The following RUSC2 variants were observed in gnomAD, a reference collection of about 807,000 sequenced individuals.
RUSC2 encodes RUN and SH3 domain containing 2.
RUSC2 carries 34 observed loss-of-function variants against 122.2 expected under a neutral mutation model. The ratio of observed to expected loss-of-function variants is 0.28; its 90% CI spans 0.21 to 0.37. The LOEUF is 0.37. RUSC2 is among the 10% of genes least tolerant of loss of function. The pLI, the probability that RUSC2 is intolerant of heterozygous loss-of-function variation, is 1.00. For missense variants in RUSC2, 1,747 were observed against 1,952.4 expected, an observed-to-expected ratio of 0.89 and a Z score of 1.98; for synonymous variants, 784 against 790.0, an observed-to-expected ratio of 0.99 and a Z score of 0.13.
At chr9:35,531,314 G>C (rs928316127) in intron 1 of RUSC2, among the ~76,000 whole-genome samples, 1 of 152,166 alleles carries the variant, frequency 6.6e-6, no homozygotes, top group Admixed American at 6.5e-5. Flanking sequence ...CACTGAAGAT[G>C]TTTTAGTAGT....
intron 1 of RUSC2, among the ~76,000 whole-genome samples, chr9:35,493,055 C>T (rs1324083323): frequency 6.6e-6 from 1 of 151,860 alleles, no homozygotes; most frequent in Non-Finnish European, 1.5e-5. Flanking sequence ...AAACTCATTT[C>T]ACAGGGGTTT....
chr9:35,513,718 T>G (rs1188283361), intron 1 of RUSC2, among the ~76,000 whole-genome samples: 1 of 151,272 alleles, frequency 6.6e-6, no homozygotes, highest in African/African-American at 2.4e-5. Context: ...TTTAAAAATA[T>G]TTTTAAATTT....
chr9:35,501,707 C>T (rs1229787767), intron 1 of RUSC2, among the ~76,000 whole-genome samples: 2 of 152,214 alleles, frequency 1.3e-5, no homozygotes, highest in African/African-American at 4.8e-5. Context: ...AGCAGCCAAC[C>T]ATGGTTCGAG....
In RUSC2 at chr9:35,547,024, T is replaced by G; in HGVS notation, c.503T>G (p.Val168Gly). The change falls in exon 2 of 12, where the codon GTG (valine) becomes GGG (glycine). Residue 168 changes from valine to glycine, a missense_variant. Coordinates refer to ENST00000361226, the MANE Select transcript of RUSC2 (RefSeq NM_014806.5). This position sits in a 1 kb window ranked among gnomAD's most constrained non-coding sequence, Gnocchi z 4.6. ...PWGTTRSRAG[V>G]VEGQEQEPVM... ...GGGACAACACGCAGTCGGGCTGGAG[T>G]GGTGGAAGGGCAGGAACAGGAGCCA... 1 of 1,605,366 alleles carries G rather than the reference T, an allele frequency of 6.2e-7. No individual in the cohort carries two copies. Among genetic ancestry groups the G allele is most frequent in the Non-Finnish European group, 8.5e-7 (1 of 1,175,130 alleles).
intron 1 of RUSC2, among the ~76,000 whole-genome samples, chr9:35,513,444 T>G (rs995588257): frequency 6.6e-6 from 1 of 151,916 alleles, no homozygotes; most frequent in African/African-American, 2.4e-5. Context: ...GGTTTCGCCA[T>G]GTTGGCCAGA....
Position 35,558,936 on chromosome 9 carries a change from GCCC to G in RUSC2, c.3342-289_3342-287del, listed in dbSNP as rs1822082875. On this transcript the variant is annotated intron_variant, in intron 8 of 11. Coordinates refer to ENST00000361226, the MANE Select transcript of RUSC2 (RefSeq NM_014806.5). The surrounding 1 kb of genome is among the most constrained non-coding windows in gnomAD (Gnocchi z 4.3). Reference sequence around the variant, plus strand: ...TAGTAACATGCTTTCTCAGGTATGGGCCCAGGCCATTCCCTTTGGCCCTGAGCT... The same window carrying G: ...TAGTAACATGCTTTCTCAGGTATGGGAGGCCATTCCCTTTGGCCCTGAGCT... Among the ~76,000 whole-genome samples, 1 of 152,190 alleles carries G rather than the reference GCCC, an allele frequency of 6.6e-6. No individual in the cohort carries two copies. Among genetic ancestry groups the G allele is most frequent in the South Asian group, 2.1e-4 (1 of 4,824 alleles).
chr9:35,498,671 A>G (rs893029461), intron 1 of RUSC2, among the ~76,000 whole-genome samples: 20 of 151,814 alleles, frequency 1.3e-4, no homozygotes, highest in African/African-American at 4.8e-4. Flanking sequence ...ATCCTGGCCA[A>G]CATGGTGAAA....
At chr9:35,503,769 A>G (rs1218810908) in intron 1 of RUSC2, among the ~76,000 whole-genome samples, 2 of 150,372 alleles carry the variant, frequency 1.3e-5, no homozygotes, top group Admixed American at 6.6e-5. Context: ...AACAACATCT[A>G]TTATTATTTT....
Position 35,561,292 on chromosome 9 carries a change from C to T in RUSC2, c.4461C>T (p.Cys1487=). 1 of 1,614,104 alleles carries T rather than the reference C, an allele frequency of 6.2e-7. No individual in the cohort carries two copies. Among genetic ancestry groups the T allele is most frequent in the South Asian group, 1.1e-5 (1 of 91,080 alleles). Residue 1487 remains cysteine, a synonymous_variant, in exon 12 of 12, where the codon TGC becomes TGT. Coordinates refer to ENST00000361226, the MANE Select transcript of RUSC2 (RefSeq NM_014806.5). Reference sequence around the variant, plus strand: ...GAGCTGGAGGAGACTGGCTGCGCTGCAGCCGTGGCCCCGACTCTGGCCTGG... The same window carrying T: ...GAGCTGGAGGAGACTGGCTGCGCTGTAGCCGTGGCCCCGACTCTGGCCTGG... ...LGRAGGDWLR[C]SRGPDSGLVP...
At chr9:35,534,458 A>ACACACACAC (rs57220039) in intron 1 of RUSC2, among the ~76,000 whole-genome samples, 1 of 143,436 alleles carries the variant, frequency 7.0e-6, no homozygotes, top group African/African-American at 2.6e-5. Flanking sequence ...ACACACACAC[A>ACACACACAC]ATCCTTTGCT....
At chr9:35,545,949 A>C (rs1367111343) in intron 1 of RUSC2, among the ~76,000 whole-genome samples, 1 of 152,212 alleles carries the variant, frequency 6.6e-6, no homozygotes, top group East Asian at 1.9e-4. Flanking sequence ...TTGCAAAATT[A>C]TAGCTTATTG....
At chr9:35,497,589 GACA>G (rs1820744331) in intron 1 of RUSC2, among the ~76,000 whole-genome samples, 1 of 152,134 alleles carries the variant, frequency 6.6e-6, no homozygotes, top group Admixed American at 6.6e-5. Flanking sequence ...GCTATCTTAG[GACA>G]ACAAGATCTT....
chr9:35,532,240 A>G (rs977847348), intron 1 of RUSC2, among the ~76,000 whole-genome samples: 1 of 152,156 alleles, frequency 6.6e-6, no homozygotes, highest in African/African-American at 2.4e-5. Context: ...CTGATAGGCT[A>G]TTGGAGATTT....
At chr9:35,520,335 G>A (rs558870004) in intron 1 of RUSC2, among the ~76,000 whole-genome samples, 1 of 152,262 alleles carries the variant, frequency 6.6e-6, no homozygotes, top group Middle Eastern at 3.4e-3. Flanking sequence ...TGATGGTTCT[G>A]GCAGTCATGC....
At chr9:35,502,565 A>T (rs1212448044) in intron 1 of RUSC2, among the ~76,000 whole-genome samples, 7 of 152,132 alleles carry the variant, frequency 4.6e-5, no homozygotes, top group Non-Finnish European at 2.9e-5. Flanking sequence ...AAGTTAAAAA[A>T]TTTTTTTTGT....
Position 35,533,369 on chromosome 9 carries a change from T to C in RUSC2, c.-92-13061T>C, listed in dbSNP as rs1821461443. ...ACCCTGATATTCCACCTCTCACCCA[T>C]ACCCCCAGTTATGGGGTTCTCAAAG... On this transcript the variant is annotated intron_variant, in intron 1 of 11. Coordinates refer to ENST00000361226, the MANE Select transcript of RUSC2 (RefSeq NM_014806.5). 2.0e-5 allele frequency among the ~76,000 whole-genome samples: 3 copies of C among 152,032 alleles called. No homozygotes were observed. The South Asian group carries it at 6.2e-4, about 32-fold the overall frequency.
intron 1 of RUSC2, among the ~76,000 whole-genome samples, chr9:35,511,170 G>T (rs1441672256): frequency 6.6e-6 from 1 of 151,636 alleles, no homozygotes. Flanking sequence ...ACTGCCCTCA[G>T]CTAGTGCTGG....
chr9:35,501,906 T>G (rs1820823674), intron 1 of RUSC2, among the ~76,000 whole-genome samples: 1 of 152,312 alleles, frequency 6.6e-6, no homozygotes, highest in East Asian at 1.9e-4. Flanking sequence ...ATATTTTTTC[T>G]AGCCATGCTT....
At chr9:35,528,070 T>TGAGA (rs1431944285) in intron 1 of RUSC2, among the ~76,000 whole-genome samples, 1 of 152,216 alleles carries the variant, frequency 6.6e-6, no homozygotes, top group Non-Finnish European at 1.5e-5. Flanking sequence ...TCCTATATAC[T>TGAGA]GAGAGACCTG....
Sources: gnomAD v4.1 joint callset for allele counts (sites outside exome capture counted in the v4.1 genomes callset) on GRCh38, gnomAD v4.1.1 for gene constraint, Gnocchi (gnomAD v3.1) non-coding constraint, MANE v1.5 for transcripts, NCBI Gene and HGNC (gene_info 2026-07-23, HGNC 2026-07-21) for gene names.